DMXL2: variants seen among roughly 807,000 people sequenced by gnomAD.
The protein encoded by DMXL2 is dmX-like protein 2.
A neutral mutation model predicts 331.1 loss-of-function variants in DMXL2; 103 were observed. That is an observed-to-expected ratio of 0.31 (90% CI 0.27 to 0.37). DMXL2 has a LOEUF of 0.37. DMXL2 is among the 10% of genes least tolerant of loss of function. The probability of loss-of-function intolerance (pLI) is 1.00; values close to 1 mark genes in which losing one functional copy is unlikely to be tolerated. For synonymous variants in DMXL2, 1,281 were observed against 1,252.1 expected, an observed-to-expected ratio of 1.02 and a Z score of -0.49; for missense variants, 3,171 against 3,642.9, an observed-to-expected ratio of 0.87 and a Z score of 3.33.
At chr15:51,456,260 T>C in intron 38 of DMXL2, 49 bp downstream of exon 38, 2 of 1,598,712 alleles carry the variant, frequency 1.3e-6, no homozygotes, top group Non-Finnish European at 1.7e-6. Context: ...ATTCTATAAA[T>C]CAACCTCCAA....
rs535675094 is a variant in DMXL2 at position 51,479,025 on chromosome 15, A to G, written c.6757-678T>C. Among the ~76,000 whole-genome samples, 14 of 152,304 alleles carry G rather than the reference A, an allele frequency of 9.2e-5. No homozygotes were observed. The East Asian group carries it at 2.5e-3, about 27-fold the overall frequency. ...CCTTAGAAACAGTTTCATACCTTATACAGATTACTCTTTGAAAGCCTTATC... is the reference window on the plus strand; with the variant it reads ...CCTTAGAAACAGTTTCATACCTTATGCAGATTACTCTTTGAAAGCCTTATC... On this transcript the variant is annotated intron_variant, in intron 25 of 43. Transcript: ENST00000560891.
chr15:51,610,441 T>C (rs561270292), intron 1 of DMXL2, among the ~76,000 whole-genome samples: 3 of 152,162 alleles, frequency 2.0e-5, no homozygotes, highest in African/African-American at 4.8e-5. Flanking sequence ...TGTCCAACAA[T>C]TGAAGAGGAC....
intron 20 of DMXL2, 115 bp downstream of exon 20, chr15:51,491,463 G>T: frequency 8.0e-6 from 8 of 1,000,578 alleles, no homozygotes; most frequent in African/African-American, 1.7e-5. Context: ...AAATTCTCAA[G>T]ACCTCAAGAT....
At chr15:51,462,647 A>T (rs958600801) in intron 33 of DMXL2, among the ~76,000 whole-genome samples, 1 of 152,034 alleles carries the variant, frequency 6.6e-6, no homozygotes, top group Non-Finnish European at 1.5e-5. Flanking sequence ...ATGTTTGCCA[A>T]ATCTTTAATT....
intron 1 of DMXL2, among the ~76,000 whole-genome samples, chr15:51,607,197 C>T (rs1444090438): frequency 6.6e-6 from 1 of 151,994 alleles, no homozygotes; most frequent in African/African-American, 2.4e-5. Flanking sequence ...TGGCTCACGT[C>T]TGTAATCCCA....
At chr15:51,462,852 A>G (rs540027728) in intron 33 of DMXL2, among the ~76,000 whole-genome samples, 2 of 152,298 alleles carry the variant, frequency 1.3e-5, no homozygotes, top group African/African-American at 4.8e-5. Flanking sequence ...GTATTAGCTT[A>G]AAAATAACCA....
At chr15:51,513,379 G>C (rs1024204586) in intron 15 of DMXL2, among the ~76,000 whole-genome samples, 2 of 152,136 alleles carry the variant, frequency 1.3e-5, no homozygotes, top group Non-Finnish European at 2.9e-5. Context: ...TTTTAAATTG[G>C]TAAAGCAGTA....
intron 13 of DMXL2, among the ~76,000 whole-genome samples, chr15:51,524,474 A>G (rs2414104): frequency 0.75 from 113,951 of 152,088 alleles, 43,141 homozygotes; most frequent in African/African-American, 0.82. Flanking sequence ...ACCCAGTTTT[A>G]ACTTCATTAT....
chr15:51,477,925 T>C (rs1239186472), intron 26 of DMXL2, among the ~76,000 whole-genome samples: 2 of 152,090 alleles, frequency 1.3e-5, no homozygotes, highest in Admixed American at 6.5e-5. Flanking sequence ...ATTAGTTAAA[T>C]AGCTGCTAAT....
intron 29 of DMXL2, among the ~76,000 whole-genome samples, chr15:51,470,645 G>A (rs2041016380): frequency 6.6e-6 from 1 of 152,134 alleles, no homozygotes; most frequent in Admixed American, 6.5e-5. Flanking sequence ...CATGTAAAGA[G>A]GGAAACATAC....
chr15:51,475,284 G>C (rs1390660890), intron 27 of DMXL2, among the ~76,000 whole-genome samples: 2 of 152,152 alleles, frequency 1.3e-5, no homozygotes, highest in Non-Finnish European at 2.9e-5. Flanking sequence ...CTGAGGTCAG[G>C]AGTTCGAGAC....
At chr15:51,496,747 G>A (rs1054819448) in intron 18 of DMXL2, among the ~76,000 whole-genome samples, 1 of 152,172 alleles carries the variant, frequency 6.6e-6, no homozygotes, top group African/African-American at 2.4e-5. Context: ...TAATAGAACT[G>A]ATAGCATTTG....
chr15:51,449,489 G>A (rs1000338392), intron 43 of DMXL2, among the ~76,000 whole-genome samples: 2 of 152,104 alleles, frequency 1.3e-5, no homozygotes, highest in African/African-American at 2.4e-5. Context: ...TCCTCATGCT[G>A]AGCTAGGTCC....
Position 51,538,435 on chromosome 15 carries a change from C to T in DMXL2, c.1123G>A (p.Val375Ile). 6.2e-7 allele frequency: 1 copy of T among 1,603,328 alleles called. No individual in the cohort carries two copies. The highest frequency in any genetic ancestry group is 8.5e-7 in the Non-Finnish European group (1 of 1,174,120). Residue 375 changes from valine to isoleucine, a missense_variant, in exon 10 of 44, where the codon GTT becomes ATT. Coordinates refer to ENST00000560891, the MANE Select transcript of DMXL2 (RefSeq NM_001378457.1). ...TCATCAACATTAAATGCAGTGCCAA[C>T]CAAGACATTTGGAATATCTGTGGAA... The part of the protein sequence containing the change: ...NPATDIPNVL[V>I]GTAFNVDDGN...
At chr15:51,562,818 A>C (rs1436677919) in intron 6 of DMXL2, among the ~76,000 whole-genome samples, 1 of 152,184 alleles carries the variant, frequency 6.6e-6, no homozygotes, top group Non-Finnish European at 1.5e-5. Flanking sequence ...ATGTGTATAT[A>C]TTAGATGTGA....
At chr15:51,571,890 A>G (rs575718570) in intron 2 of DMXL2, among the ~76,000 whole-genome samples, 19 of 152,306 alleles carry the variant, frequency 1.2e-4, no homozygotes, top group African/African-American at 4.6e-4. Flanking sequence ...GAGAAGCAAG[A>G]GCAAACATAT....
chr15:51,519,636 GT>G (rs61062444), intron 13 of DMXL2, among the ~76,000 whole-genome samples: 78 of 84,904 alleles, frequency 9.2e-4, no homozygotes, highest in African/African-American at 1.7e-3. Flanking sequence ...AAAGTCTCTT[GT>G]TTTTTTTTTT....
At chr15:51,612,728 T>C (rs565542216) in intron 1 of DMXL2, among the ~76,000 whole-genome samples, 8 of 152,274 alleles carry the variant, frequency 5.3e-5, no homozygotes, top group African/African-American at 1.7e-4. Flanking sequence ...CGGGCATGCA[T>C]TGTCATTGAA....
intron 6 of DMXL2, among the ~76,000 whole-genome samples, chr15:51,561,046 GA>G (rs1441810115): frequency 6.6e-6 from 1 of 151,312 alleles, no homozygotes; most frequent in Non-Finnish European, 1.5e-5. Flanking sequence ...TTTAATAGCA[GA>G]AAAAAATTAC....
Sources: gnomAD v4.1 joint callset for allele counts (sites outside exome capture counted in the v4.1 genomes callset) on GRCh38, gnomAD v4.1.1 for gene constraint, MANE v1.5 for transcripts, NCBI Gene and HGNC (gene_info 2026-07-23, HGNC 2026-07-21) for gene names.